Variants in NPEPPS observed in about 807,000 individuals in gnomAD.
The protein encoded by NPEPPS is puromycin-sensitive aminopeptidase.
Under a neutral mutation model 115.5 loss-of-function variants are expected in NPEPPS, and 14 were observed. The ratio of observed to expected loss-of-function variants is 0.12; its 90% CI spans 0.08 to 0.19. The LOEUF is 0.19. NPEPPS is among the 10% of genes least tolerant of loss of function. The probability of loss-of-function intolerance (pLI) is 1.00; values close to 1 mark genes in which losing one functional copy is unlikely to be tolerated. For synonymous variants in NPEPPS, 285 were observed against 390.6 expected, an observed-to-expected ratio of 0.73 and a Z score of 3.19; for missense variants, 523 against 1,110.8, an observed-to-expected ratio of 0.47 and a Z score of 7.52.
chr17:47,596,173 A>G (rs1048635850), intron 12 of NPEPPS, 180 bp from the exon 13 acceptor site: 5 of 478,954 alleles, frequency 1.0e-5, no homozygotes, highest in African/African-American at 7.9e-5. Context: ...AGTTTTTATG[A>G]TAGAATTTAC....
At position 47,523,718 on chromosome 17, in the gene NPEPPS, T is replaced by G. The variant is rs2611938; in HGVS notation, c.77+655T>G. On this transcript the variant is annotated intron_variant, in intron 1 of 5. Transcript: ENST00000525007. ...GATTACAAGCATGAACCACCATGCC[T>G]GGCCCAATAATAGGCTTTTTAAGAA... 2.6e-5 allele frequency among the ~76,000 whole-genome samples: 4 copies of G among 151,656 alleles called. No homozygotes were observed. In the East Asian group the frequency reaches 7.7e-4, roughly 29 times the overall value.
upstream of NPEPPS, among the ~76,000 whole-genome samples, chr17:47,527,832 C>G (rs1907500611): frequency 6.6e-6 from 1 of 151,192 alleles, no homozygotes; most frequent in Non-Finnish European, 1.5e-5. Context: ...ACCTATAATC[C>G]CAGCTACTTA....
intron 2 of NPEPPS, among the ~76,000 whole-genome samples, chr17:47,546,359 G>A (rs1251675180): frequency 3.3e-5 from 5 of 152,026 alleles, no homozygotes; most frequent in Admixed American, 2.0e-4. Flanking sequence ...CCAGGTGGCC[G>A]AGGCTGCAGT....
intron 1 of NPEPPS, among the ~76,000 whole-genome samples, chr17:47,538,118 C>T (rs1285333122): frequency 1.3e-5 from 2 of 151,230 alleles, no homozygotes; most frequent in Non-Finnish European, 2.9e-5. Flanking sequence ...GTCTTGAACT[C>T]CTGACCTCAG....
rs1229806509 is a variant in NPEPPS at position 47,603,912 on chromosome 17, C to T, written c.1741-3C>T. On this transcript the variant is annotated splice_polypyrimidine_tract_variant and splice_region_variant and intron_variant, in intron 15 of 22. Coordinates refer to ENST00000322157, the MANE Select transcript of NPEPPS (RefSeq NM_006310.4). ...TAATAGTACTTACTGGATATCTTTG[C>T]AGTTAAACTTAGGAACAGTTGGGTT... The T allele has an allele frequency of 1.9e-6, 3 of 1,603,598 alleles. No homozygotes were observed. The highest frequency in any genetic ancestry group is 4.5e-5 in the East Asian group (2 of 44,700).
chr17:47,563,806 G>C lies in NPEPPS; in HGVS notation c.341-5611G>C, dbSNP rs536562677. On this transcript the variant is annotated intron_variant, in intron 2 of 22. Coordinates refer to ENST00000322157, the MANE Select transcript of NPEPPS (RefSeq NM_006310.4). ...AGGATGGTCTCGATCTCTTGACCTCGTGATCCGCCCTCCTTGGCCTCCAAA... is the reference window on the plus strand; with the variant it reads ...AGGATGGTCTCGATCTCTTGACCTCCTGATCCGCCCTCCTTGGCCTCCAAA... Among the ~76,000 whole-genome samples, 3 of 152,192 alleles carry C rather than the reference G, an allele frequency of 2.0e-5. No homozygotes were observed. In the South Asian group the frequency reaches 6.2e-4, roughly 32 times the overall value.
intron 1 of NPEPPS, among the ~76,000 whole-genome samples, chr17:47,535,640 G>C (rs573344726): frequency 6.6e-6 from 1 of 150,460 alleles, no homozygotes; most frequent in South Asian, 2.1e-4. Flanking sequence ...AGTTTCTCTA[G>C]GCCCAAAATT....
chr17:47,610,527 G>A (rs945600180), intron 17 of NPEPPS, among the ~76,000 whole-genome samples: 1 of 151,848 alleles, frequency 6.6e-6, no homozygotes, highest in Non-Finnish European at 1.5e-5. Context: ...GGGGCTACAG[G>A]TGCACGCCAC....
At chr17:47,590,141 A>G (rs1912413052) in intron 9 of NPEPPS, among the ~76,000 whole-genome samples, 1 of 152,140 alleles carries the variant, frequency 6.6e-6, no homozygotes, top group Non-Finnish European at 1.5e-5. Context: ...GGCTGCAGTA[A>G]GCTACGATGG....
intron 1 of NPEPPS, among the ~76,000 whole-genome samples, chr17:47,537,662 T>C (rs1292557758): frequency 7.9e-5 from 12 of 151,516 alleles, no homozygotes; most frequent in Non-Finnish European, 1.6e-4. Flanking sequence ...GATCACGCCA[T>C]TGCACTCCAG....
At chr17:47,601,531 AG>A in intron 14 of NPEPPS, 76 bp from the exon 15 acceptor site, 2 of 1,541,652 alleles carry the variant, frequency 1.3e-6, no homozygotes, top group South Asian at 2.3e-5. Context: ...GCTCCTGGTT[AG>A]AACACCACCA....
At chr17:47,579,636 T>C in intron 4 of NPEPPS, 125 bp downstream of exon 4, 7 of 653,350 alleles carry the variant, frequency 1.1e-5, no homozygotes, top group Non-Finnish European at 1.8e-5. Context: ...ATTCACAATT[T>C]TAGAATTTTT....
chr17:47,545,031 C>T (rs1192713160), intron 1 of NPEPPS, among the ~76,000 whole-genome samples: 1 of 150,976 alleles, frequency 6.6e-6, no homozygotes, highest in Admixed American at 6.6e-5. Context: ...GACAGAGTCT[C>T]ACTCTGTTGT....
rs182657917 is a variant in NPEPPS at position 47,547,541 on chromosome 17, T to C, written c.340+1548T>C. ...TCGTATTTGTATTTTTTTATAGATA[T>C]GGGGGGGTGGTCTTCCTATATTGCC... On this transcript the variant is annotated intron_variant, in intron 2 of 22. Transcript: ENST00000322157. 4.6e-3 allele frequency among the ~76,000 whole-genome samples: 699 copies of C among 151,952 alleles called. 4 individuals carry two copies. The highest frequency in any genetic ancestry group is 0.017 in the Middle Eastern group (5 of 292).
rs560934381 is a variant in NPEPPS, at chr17:47,535,735, G to A, written c.255+4180G>A. Among the ~76,000 whole-genome samples, 118 of 148,930 alleles carry A rather than the reference G, an allele frequency of 7.9e-4. 2 individuals carry two copies. The South Asian group carries it at 0.022, about 28-fold the overall frequency. On this transcript the variant is annotated intron_variant, in intron 1 of 22. Coordinates refer to ENST00000322157, the MANE Select transcript of NPEPPS (RefSeq NM_006310.4). ...GATATTTCATATTTTGATCCTCTCC[G>A]TTTGTGGATAATTAATTAAAATGAA...
At chr17:47,572,579 A>T (rs1911264325) in intron 3 of NPEPPS, among the ~76,000 whole-genome samples, 1 of 152,218 alleles carries the variant, frequency 6.6e-6, no homozygotes, top group Admixed American at 6.5e-5. Context: ...GCCATCAGAT[A>T]GGAAGAATTA....
intron 15 of NPEPPS, among the ~76,000 whole-genome samples, chr17:47,603,199 G>C (rs560278617): frequency 5.3e-5 from 8 of 152,118 alleles, no homozygotes; most frequent in Middle Eastern, 3.2e-3. Context: ...ATCACCTGAG[G>C]TCAGGAGTTC....
In NPEPPS at chr17:47,617,236, C is replaced by T. The variant is rs962346726; in HGVS notation, c.2296-1114C>T. Among the ~76,000 whole-genome samples the T allele has an allele frequency of 4.6e-5, 7 of 152,216 alleles. No individual in the cohort carries two copies. The South Asian group carries it at 8.3e-4, about 18-fold the overall frequency. ...TTTTTCTTTATGCTTCTCTGTCTTTCAGATATTCTGCATTCAGTATGTGCT... is the reference window on the plus strand; with the variant it reads ...TTTTTCTTTATGCTTCTCTGTCTTTTAGATATTCTGCATTCAGTATGTGCT... On this transcript the variant is annotated intron_variant, in intron 19 of 22. Coordinates refer to ENST00000322157, the MANE Select transcript of NPEPPS (RefSeq NM_006310.4).
At chr17:47,538,515 A>G (rs1908500840) in intron 1 of NPEPPS, among the ~76,000 whole-genome samples, 1 of 141,016 alleles carries the variant, frequency 7.1e-6, no homozygotes. Flanking sequence ...CGCCTAGTCC[A>G]TATCTGTTTT....
Sources: allele counts gnomAD v4.1 joint callset (sites outside exome capture counted in the v4.1 genomes callset), GRCh38; gene constraint gnomAD v4.1.1; transcripts MANE v1.5; gene names NCBI Gene and HGNC (gene_info 2026-07-23, HGNC 2026-07-21).